The following SORBS2 variants were observed in gnomAD, a reference collection of about 807,000 sequenced individuals.
SORBS2 encodes the protein sorbin and SH3 domain-containing protein 2.
SORBS2 carries 46 observed loss-of-function variants against 97.7 expected under a neutral mutation model. That is an observed-to-expected ratio of 0.47 (90% CI 0.37 to 0.60). The LOEUF is 0.60. SORBS2 is among the 20% of genes least tolerant of loss of function. SORBS2 has a pLI of 0.00. For synonymous variants in SORBS2, 476 were observed against 473.4 expected, an observed-to-expected ratio of 1.01 and a Z score of -0.07; for missense variants, 1,316 against 1,282.3, an observed-to-expected ratio of 1.03 and a Z score of -0.40.
intron 2 of SORBS2, among the ~76,000 whole-genome samples, chr4:185,731,866 C>CTCTCTCTCTCTGTA (rs1286500642): frequency 8.1e-5 from 2 of 24,676 alleles, no homozygotes; most frequent in East Asian, 4.0e-3. Context: ...CTCTCTCTCT[C>CTCTCTCTCTCTGTA]TATATATATA....
intron 1 of SORBS2, among the ~76,000 whole-genome samples, chr4:185,850,788 A>G (rs988120483): frequency 2.0e-5 from 3 of 152,166 alleles, no homozygotes; most frequent in Non-Finnish European, 2.9e-5. Context: ...TGTGTCTGTG[A>G]GGGTGTTTCT....
intron 12 of SORBS2, among the ~76,000 whole-genome samples, chr4:185,604,610 AC>A (rs2096362250): frequency 6.6e-6 from 1 of 152,198 alleles, no homozygotes; most frequent in Non-Finnish European, 1.5e-5. Flanking sequence ...TTTCCTCTCA[AC>A]TTCCAACATT....
At chr4:185,801,496 T>C (rs1455718623) in intron 1 of SORBS2, among the ~76,000 whole-genome samples, 1 of 152,216 alleles carries the variant, frequency 6.6e-6, no homozygotes, top group East Asian at 1.9e-4. Flanking sequence ...TTTTGACTTT[T>C]TGGTGATAGC....
intron 1 of SORBS2, among the ~76,000 whole-genome samples, chr4:185,823,525 A>G (rs1190417236): frequency 2.0e-5 from 3 of 151,066 alleles, no homozygotes; most frequent in Non-Finnish European, 4.4e-5. Flanking sequence ...TAGTAAATTG[A>G]CACATTTTCT....
At chr4:185,880,146 G>C (rs554502017) in intron 1 of SORBS2, among the ~76,000 whole-genome samples, 1 of 152,284 alleles carries the variant, frequency 6.6e-6, no homozygotes, top group Admixed American at 6.5e-5. Flanking sequence ...CCCTGTGCAG[G>C]CTGCCTCGAC....
At chr4:185,896,698 C>A (rs1236618606) in intron 1 of SORBS2, among the ~76,000 whole-genome samples, 1 of 152,070 alleles carries the variant, frequency 6.6e-6, no homozygotes, top group Non-Finnish European at 1.5e-5. Flanking sequence ...TGTAGTGTAA[C>A]AGGATGATTG....
At chr4:185,676,694 T>C (rs2097792273) in intron 4 of SORBS2, among the ~76,000 whole-genome samples, 1 of 152,134 alleles carries the variant, frequency 6.6e-6, no homozygotes. Flanking sequence ...TGAAGTAGTC[T>C]GCAATGTCTT....
chr4:185,654,094 C>A (rs1310595238), intron 1 of SORBS2, among the ~76,000 whole-genome samples: 1 of 151,928 alleles, frequency 6.6e-6, no homozygotes, highest in African/African-American at 2.4e-5. Context: ...GAAAAATCAC[C>A]CCAAATACAG....
At chr4:185,811,300 C>T in intron 1 of SORBS2, among the ~76,000 whole-genome samples, 1 of 152,152 alleles carries the variant, frequency 6.6e-6, no homozygotes, top group East Asian at 1.9e-4. Flanking sequence ...TCATGTAGTT[C>T]TCTGAATACA....
intron 4 of SORBS2, among the ~76,000 whole-genome samples, chr4:185,667,268 C>T (rs1386730745): frequency 6.6e-6 from 1 of 152,156 alleles, no homozygotes; most frequent in Non-Finnish European, 1.5e-5. Flanking sequence ...GAACTGTTTA[C>T]ACTTAGAAAT....
At chr4:185,634,694 T>C (rs2096964753) in intron 4 of SORBS2, among the ~76,000 whole-genome samples, 1 of 152,152 alleles carries the variant, frequency 6.6e-6, no homozygotes, top group African/African-American at 2.4e-5. Context: ...ATTTTTCACC[T>C]AGTTGATTAT....
chr4:185,796,246 T>C (rs1040675021), intron 1 of SORBS2, among the ~76,000 whole-genome samples: 3 of 152,180 alleles, frequency 2.0e-5, no homozygotes, highest in African/African-American at 7.2e-5. Context: ...CCTACCTCAG[T>C]GGTGCTCTCA....
chr4:185,617,836 T>G (rs1372783182), intron 9 of SORBS2, among the ~76,000 whole-genome samples: 1 of 152,224 alleles, frequency 6.6e-6, no homozygotes. Context: ...AGGCTGAGGA[T>G]GGAGACTTCA....
intron 1 of SORBS2, among the ~76,000 whole-genome samples, chr4:185,852,226 A>C (rs1171056700): frequency 6.6e-6 from 1 of 152,182 alleles, no homozygotes; most frequent in Non-Finnish European, 1.5e-5. Flanking sequence ...ACATTCTAAC[A>C]CACCCTCTGT....
At position 185,809,772 on chromosome 4, in the gene SORBS2, C is replaced by T. The variant is rs548763333; in HGVS notation, c.-337-34406G>A. On this transcript the variant is annotated intron_variant, in intron 1 of 20. Coordinates refer to the SORBS2 transcript ENST00000284776. ...GGTATAAAGTGTGTGCCATTCCTCC[C>T]GTGGGCTAAGGGTCTTGTCTCACTT... Among the ~76,000 whole-genome samples, 4 of 152,242 alleles carry T rather than the reference C, an allele frequency of 2.6e-5. No homozygotes were observed. In the East Asian group the frequency reaches 5.8e-4, roughly 22 times the overall value.
At chr4:185,864,916 A>T (rs1332082540) in intron 1 of SORBS2, among the ~76,000 whole-genome samples, 1 of 151,826 alleles carries the variant, frequency 6.6e-6, no homozygotes, top group Non-Finnish European at 1.5e-5. Context: ...TGTCTCAAAA[A>T]AAAAAGAAAA....
intron 2 of SORBS2, among the ~76,000 whole-genome samples, chr4:185,732,955 G>A (rs2098654031): frequency 6.6e-6 from 1 of 152,220 alleles, no homozygotes; most frequent in Admixed American, 6.5e-5. Context: ...GGGTGATGCT[G>A]CCATAAGCCA....
chr4:185,906,921 T>C (rs2099251215), intron 1 of SORBS2, among the ~76,000 whole-genome samples: 1 of 151,734 alleles, frequency 6.6e-6, no homozygotes, highest in African/African-American at 2.4e-5. Flanking sequence ...AGGTCAGGAG[T>C]TCAAGACCAG....
intron 4 of SORBS2, among the ~76,000 whole-genome samples, chr4:185,640,656 G>A (rs2097111203): frequency 6.6e-6 from 1 of 152,076 alleles, no homozygotes; most frequent in Non-Finnish European, 1.5e-5. Context: ...AGTTGCAATA[G>A]TATTAATTGA....
Sources: allele counts gnomAD v4.1 joint callset (sites outside exome capture counted in the v4.1 genomes callset), GRCh38; gene constraint gnomAD v4.1.1; transcripts MANE v1.5; gene names NCBI Gene and HGNC (gene_info 2026-07-23, HGNC 2026-07-21).